Variants in AKAP14 observed in about 807,000 individuals in gnomAD.
AKAP14 encodes A-kinase anchor protein 14.
AKAP14 carries 4 observed loss-of-function variants against 17.0 expected under a neutral mutation model. The observed-to-expected ratio is 0.23, with a 90% CI of 0.12 to 0.54. The LOEUF is 0.54. Ranked by LOEUF, AKAP14 falls within the 20% of genes least tolerant of loss-of-function variation. The probability of loss-of-function intolerance (pLI) is 0.95; values close to 1 mark genes in which losing one functional copy is unlikely to be tolerated. For missense variants in AKAP14, 129 were observed against 150.9 expected, an observed-to-expected ratio of 0.85 and a Z score of 0.76; for synonymous variants, 42 against 51.3, an observed-to-expected ratio of 0.82 and a Z score of 0.77.
chrX:119,913,963 G>A (rs1330764677), intron 4 of AKAP14, among the ~76,000 whole-genome samples: 15 of 111,203 alleles, frequency 1.3e-4, no homozygotes, highest in African/African-American at 3.3e-4. Context: ...GGCCAGGTGC[G>A]GTGGCTCACA....
chrX:119,914,777 A>G lies in AKAP14; in HGVS notation c.340A>G (p.Ile114Val). The G allele has an allele frequency of 2.5e-6, 3 of 1,209,613 alleles. No individual in the cohort carries two copies. Among genetic ancestry groups the G allele is most frequent in the Non-Finnish European group, 3.4e-6 (3 of 893,472 alleles). Reference protein sequence around the residue: ...RKDLIHSFLYIYYVHWSISTA... With the variant: ...RKDLIHSFLYVYYVHWSISTA... Reference sequence around the variant, plus strand: ...AGACTTAATTCACAGCTTCCTCTACATCTACTATGTACACTGGAGTATCTC... The same window carrying G: ...AGACTTAATTCACAGCTTCCTCTACGTCTACTATGTACACTGGAGTATCTC... Residue 114 changes from isoleucine to valine, a missense_variant, in exon 5 of 7, where the codon ATC becomes GTC. Physicochemically the swap from Ile to Val is conservative, Grantham distance 29. Coordinates refer to ENST00000371431, the MANE Select transcript of AKAP14 (RefSeq NM_178813.6).
chrX:119,914,317 T>C (rs985920223), intron 4 of AKAP14, among the ~76,000 whole-genome samples: 25 of 110,720 alleles, frequency 2.3e-4, no homozygotes, highest in Non-Finnish European at 4.0e-4. Flanking sequence ...TTATCCTTTA[T>C]TTTTATTTAT....
At chrX:119,897,245 T>C (rs1171929208) in intron 2 of AKAP14, among the ~76,000 whole-genome samples, 21 of 109,303 alleles carry the variant, frequency 1.9e-4, no homozygotes, top group South Asian at 4.0e-4. Context: ...CTGCAAACTC[T>C]GCCTCCCGGA....
At chrX:119,913,775 CAAT>C (rs2056641346) in intron 4 of AKAP14, among the ~76,000 whole-genome samples, 2 of 28,160 alleles carry the variant, frequency 7.1e-5, no homozygotes, top group Non-Finnish European at 1.3e-4. Context: ...GGCTCTGTCT[CAAT>C]CAATCAATCA....
intron 2 of AKAP14, among the ~76,000 whole-genome samples, chrX:119,896,569 G>A (rs1285215511): frequency 9.0e-6 from 1 of 110,602 alleles, no homozygotes; most frequent in Non-Finnish European, 1.9e-5. Flanking sequence ...ACAGACGTGT[G>A]AGGGTAAAAA....
intron 5 of AKAP14, among the ~76,000 whole-genome samples, chrX:119,918,671 C>T (rs183815617): frequency 7.2e-4 from 81 of 112,352 alleles, no homozygotes; most frequent in African/African-American, 2.5e-3. Context: ...TGCTGGTATC[C>T]ACGAGGTAGA....
intron 4 of AKAP14, 126 bp from the exon 5 acceptor site, chrX:119,914,573 T>G: frequency 3.1e-6 from 2 of 640,140 alleles, no homozygotes; most frequent in Non-Finnish European, 2.3e-6. Flanking sequence ...TCCTCCTGCC[T>G]CGGCCTCCCA....
intron 2 of AKAP14, among the ~76,000 whole-genome samples, chrX:119,898,373 A>G (rs1004885703): frequency 8.9e-6 from 1 of 112,292 alleles, no homozygotes; most frequent in African/African-American, 3.2e-5. Context: ...AATAGCCAAC[A>G]TTATTTCAGG....
chrX:119,919,226 C>T (rs755075969), intron 5 of AKAP14, among the ~76,000 whole-genome samples: 7 of 111,865 alleles, frequency 6.3e-5, no homozygotes, highest in African/African-American at 2.3e-4. Context: ...GTTTATGCTG[C>T]TTTAAAAATG....
intron 4 of AKAP14, among the ~76,000 whole-genome samples, chrX:119,906,958 T>G (rs974269037): frequency 3.6e-5 from 4 of 112,104 alleles, no homozygotes. Flanking sequence ...AGTACTGCTA[T>G]GTGTTAAGCA....
intron 5 of AKAP14, 99 bp from the exon 6 acceptor site, chrX:119,919,812 C>T: frequency 1.0e-6 from 1 of 962,655 alleles, no homozygotes; most frequent in Non-Finnish European, 1.5e-6. Context: ...CACCACTGCA[C>T]TTACACCTGG....
At chrX:119,909,126 G>A (rs1225448827) in intron 4 of AKAP14, among the ~76,000 whole-genome samples, 1 of 111,592 alleles carries the variant, frequency 9.0e-6, no homozygotes, top group Non-Finnish European at 1.9e-5. Flanking sequence ...TAAAGTCTGT[G>A]ATTGTGTGAC....
In AKAP14 at chrX:119,903,724, T is replaced by C. The variant is rs940506538; in HGVS notation, c.261+138T>C. 1.9e-5 allele frequency: 20 copies of C among 1,070,371 alleles called. No homozygotes were observed. In the African/African-American group the frequency reaches 3.2e-4, roughly 17 times the overall value. The allele number at this position is 1,070,371 out of a possible 1,213,427, so 88.2% of individuals were successfully genotyped here. ...GGCTGACTAGAATAAGTAAACATCA[T>C]CTCCATCTCAGTTCCAAAATCAAGG... On this transcript the variant is annotated intron_variant, in intron 4 of 6. Coordinates refer to ENST00000371431, the MANE Select transcript of AKAP14 (RefSeq NM_178813.6).
intron 4 of AKAP14, among the ~76,000 whole-genome samples, chrX:119,904,010 C>T (rs1030053444): frequency 1.8e-5 from 2 of 111,389 alleles, no homozygotes; most frequent in Non-Finnish European, 3.8e-5. Context: ...GGGGCTCGAT[C>T]CTAGCTCCCT....
intron 5 of AKAP14, among the ~76,000 whole-genome samples, chrX:119,917,145 A>T (rs1174434219): frequency 3.7e-5 from 4 of 107,098 alleles, no homozygotes; most frequent in African/African-American, 1.4e-4. Context: ...AATAAAAATT[A>T]AAAAAAAATA....
intron 4 of AKAP14, among the ~76,000 whole-genome samples, chrX:119,905,202 C>CA (rs1267035032): frequency 1.8e-5 from 2 of 112,353 alleles, no homozygotes; most frequent in Non-Finnish European, 3.8e-5. Context: ...GCCCTCAGGG[C>CA]AGTTTCCCAG....
intron 4 of AKAP14, among the ~76,000 whole-genome samples, chrX:119,905,283 C>G (rs2056591280): frequency 8.9e-6 from 1 of 111,811 alleles, no homozygotes; most frequent in Non-Finnish European, 1.9e-5. Context: ...CTTCTATGCT[C>G]CAGCGGACGC....
chrX:119,918,945 C>A (rs2056673556), intron 5 of AKAP14, among the ~76,000 whole-genome samples: 1 of 112,056 alleles, frequency 8.9e-6, no homozygotes, highest in South Asian at 3.7e-4. Flanking sequence ...TATCCTAGTA[C>A]AAATGTGCCT....
intron 5 of AKAP14, among the ~76,000 whole-genome samples, chrX:119,919,318 T>C (rs753221605): frequency 8.9e-6 from 1 of 112,290 alleles, no homozygotes; most frequent in East Asian, 2.8e-4. Flanking sequence ...AAGTGGAGCA[T>C]GTAAAGAAGG....
Sources: allele counts gnomAD v4.1 joint callset (sites outside exome capture counted in the v4.1 genomes callset), GRCh38; gene constraint gnomAD v4.1.1; transcripts MANE v1.5; gene names NCBI Gene and HGNC (gene_info 2026-07-23, HGNC 2026-07-21).